HECTD4: variants seen among roughly 807,000 people sequenced by gnomAD.
HECTD4 encodes the protein probable E3 ubiquitin-protein ligase HECTD4.
A neutral mutation model predicts 471.5 loss-of-function variants in HECTD4; 114 were observed. The observed-to-expected ratio is 0.24, with a 90% CI of 0.21 to 0.28. HECTD4 has a LOEUF of 0.28. Ranked by LOEUF, HECTD4 falls within the 10% of genes least tolerant of loss-of-function variation. HECTD4 has a pLI of 1.00. For missense variants in HECTD4, 3,866 were observed against 5,651.5 expected (o/e 0.68, Z 10.13); for synonymous variants, 2,012 against 2,256.0 (o/e 0.89, Z 3.07).
chr12:112,187,793 A>T (rs1262754038), intron 60 of HECTD4, among the ~76,000 whole-genome samples: 3 of 150,312 alleles, frequency 2.0e-5, no homozygotes, highest in Non-Finnish European at 3.0e-5. Flanking sequence ...CACCCGGCTA[A>T]TTTTTTGTAT....
chr12:112,315,957 G>A (rs2035470560), intron 2 of HECTD4, among the ~76,000 whole-genome samples: 1 of 149,560 alleles, frequency 6.7e-6, no homozygotes, highest in Admixed American at 6.7e-5. Flanking sequence ...GACTGGTCTC[G>A]AACTCCTGGC....
In HECTD4 at chr12:112,239,233, G is replaced by A. The variant is rs752738736; in HGVS notation, c.5109C>T (p.Ser1703=). The A allele has an allele frequency of 8.1e-6, 13 of 1,608,654 alleles. No individual in the cohort carries two copies. Among genetic ancestry groups the A allele is most frequent in the African/African-American group, 2.7e-5 (2 of 74,630 alleles). Residue 1703 remains serine, a synonymous_variant, in exon 34 of 76, where the codon AGC becomes AGT. Coordinates refer to ENST00000682272, the MANE Select transcript of HECTD4 (RefSeq NM_001388303.1). The surrounding 1 kb of genome is among the most constrained non-coding windows in gnomAD (Gnocchi z 4.9). ...GLLCTIPYTR[S]EEKCLVRSGL... ...CACTGCGTACCAGGCACTTCTCTTC[G>A]CTCCTGACAAAGGGTCATGGATTAC...
chr12:112,282,761 G>C (rs1295822764), intron 8 of HECTD4, among the ~76,000 whole-genome samples: 2 of 152,148 alleles, frequency 1.3e-5, no homozygotes, highest in African/African-American at 4.8e-5. Context: ...TCTGTTATTT[G>C]CTTGGTCAAG....
At chr12:112,365,887 C>T (rs764342353) in intron 1 of HECTD4, among the ~76,000 whole-genome samples, 6 of 151,140 alleles carry the variant, frequency 4.0e-5, no homozygotes, top group Non-Finnish European at 7.4e-5. Context: ...GTGATCCTCC[C>T]ACCTCAGCCT....
chr12:112,362,652 C>CATA (rs2036472581), intron 1 of HECTD4, among the ~76,000 whole-genome samples: 4 of 151,842 alleles, frequency 2.6e-5, no homozygotes, highest in Admixed American at 2.6e-4. Context: ...AGGTGGGGAG[C>CATA]GTTATGTTAG....
chr12:112,176,697 G>C lies in HECTD4; in HGVS notation c.11369C>G (p.Thr3790Ser). The C allele has an allele frequency of 6.2e-7, 1 of 1,611,834 alleles. No individual in the cohort carries two copies. The highest frequency in any genetic ancestry group is 8.5e-7 in the Non-Finnish European group (1 of 1,177,936). ...AGTTGGCTTCTTCTCACTTAAGGCA[G>C]TCCTGCTGTAGACCAAAGCACTGGA... ...DKAVLNSVSR[T>S]ALSEKKPTVK... The change falls in exon 65 of 76, where the codon ACT becomes AGT. Residue 3790 changes from threonine (T) to serine (S), a missense_variant. Transcript: ENST00000682272.
At chr12:112,171,807 G>A (rs1309240191) in intron 67 of HECTD4, among the ~76,000 whole-genome samples, 1 of 152,236 alleles carries the variant, frequency 6.6e-6, no homozygotes, top group Non-Finnish European at 1.5e-5. Flanking sequence ...TGAGGCAAGC[G>A]GCTGAGCACA....
intron 59 of HECTD4, 47 bp downstream of exon 59, chr12:112,192,513 A>G: frequency 7.4e-7 from 1 of 1,344,818 alleles, no homozygotes; most frequent in Admixed American, 2.8e-5. Context: ...AGGCAAGAGG[A>G]GAATGACTCC....
chr12:112,185,273 G>T lies in HECTD4; in HGVS notation c.9693C>A (p.Val3231=). 6.4e-7 allele frequency: 1 copy of T among 1,551,574 alleles called. No homozygotes were observed. The highest frequency in any genetic ancestry group is 1.2e-5 in the South Asian group (1 of 84,284). ...KLYDEETQNW[V]SGGACGGSGG... ...CGGAGCCCCCGCAGGCGCCGCCTGA[G>T]ACCCAGTTCTGCGTCTCCTCGTCGT... The change falls in exon 61 of 76, where the codon GTC becomes GTA. Residue 3231 remains valine (V), a synonymous_variant. Coordinates refer to ENST00000682272, the MANE Select transcript of HECTD4 (RefSeq NM_001388303.1).
chr12:112,316,581 A>G (rs570384439), intron 2 of HECTD4, among the ~76,000 whole-genome samples: 108 of 152,288 alleles, frequency 7.1e-4, no homozygotes, highest in Non-Finnish European at 1.4e-3. Context: ...AGTCCATTCA[A>G]CCGTAAGCTC....
chr12:112,163,611 G>A lies in HECTD4; in HGVS notation c.12828C>T (p.Thr4276=), dbSNP rs1332219084. The change falls in exon 74 of 76, where the codon ACC becomes ACT. Residue 4276 remains threonine, a synonymous_variant. Transcript: ENST00000682272. The surrounding 1 kb of genome is among the most constrained non-coding windows in gnomAD (Gnocchi z 8.2). The part of the protein sequence containing the change: ...LGSIIPLQLL[T]MLSPLEMELR... ...GCTCCATCTCCAGTGGGCTGAGCAT[G>A]GTCAGCAGCTGCAGGGGGATGATGG... 31 of 1,538,056 alleles carry A rather than the reference G, an allele frequency of 2.0e-5. No individual in the cohort carries two copies. The East Asian group carries it at 6.9e-4, about 34-fold the overall frequency.
chr12:112,238,649 T>C (rs2033570616), intron 34 of HECTD4, among the ~76,000 whole-genome samples: 6 of 152,108 alleles, frequency 3.9e-5, no homozygotes, highest in Middle Eastern at 6.8e-3. Context: ...TCTCTTATCA[T>C]TTGAGCCAGG....
chr12:112,244,716 T>C (rs1373810311), intron 29 of HECTD4, among the ~76,000 whole-genome samples: 1 of 152,188 alleles, frequency 6.6e-6, no homozygotes, highest in African/African-American at 2.4e-5. Context: ...TTTTCAGAGA[T>C]GGCCTTTTTC....
intron 7 of HECTD4, among the ~76,000 whole-genome samples, chr12:112,294,300 C>T (rs1347085394): frequency 6.6e-6 from 1 of 152,112 alleles, no homozygotes; most frequent in Admixed American, 6.5e-5. Flanking sequence ...CAAGTATCTA[C>T]ATTATTTAGA....
Position 112,166,662 on chromosome 12 carries a change from C to G in HECTD4, c.12534+655G>C, listed in dbSNP as rs1469671614. The stretch of plus-strand genomic sequence containing the variant: ...CCCTTTGGTGAGCCTCACTTTCCTC[C>G]TGGCCTTGTGATGATGGAATAAAGC... On this transcript the variant is annotated intron_variant, in intron 72 of 75. Transcript: ENST00000682272. The surrounding 1 kb of genome is among the most constrained non-coding windows in gnomAD (Gnocchi z 4.6). 1 of 152,480 alleles carries G rather than the reference C, an allele frequency of 6.6e-6. No homozygotes were observed. Among genetic ancestry groups the G allele is most frequent in the Non-Finnish European group, 1.5e-5 (1 of 68,258 alleles). 9.4% of individuals were successfully genotyped at this position (152,480 alleles called of 1,614,324 possible). A position where few individuals can be genotyped will look rare whatever the true frequency, so the allele number is the denominator to read the frequency against.
At chr12:112,207,810 T>C in intron 52 of HECTD4, 64 bp downstream of exon 52, 1 of 1,574,186 alleles carries the variant, frequency 6.4e-7, no homozygotes, top group Non-Finnish European at 8.7e-7. Flanking sequence ...ACATTCTGAT[T>C]TTCATCCAGC....
Position 112,382,294 on chromosome 12 carries a change from TACCCCCGACCCCGGCCCGGGA to T in HECTD4, c.-187_-167del. 1 of 488,586 alleles carries T rather than the reference TACCCCCGACCCCGGCCCGGGA, an allele frequency of 2.0e-6. No individual in the cohort carries two copies. Among genetic ancestry groups the T allele is most frequent in the Non-Finnish European group, 3.0e-6 (1 of 331,680 alleles). 30.3% of individuals were successfully genotyped at this position (488,586 alleles called of 1,614,324 possible). A position where few individuals can be genotyped will look rare whatever the true frequency, so the allele number is the denominator to read the frequency against. ...CCGCCCTAGGCGGTCCGAGTCGCCA[TACCCCCGACCCCGGCCCGGGA>T]GACCCCGGCCCTGCCGCCGCCGCCG... On this transcript the variant is annotated 5_prime_UTR_variant, in exon 1 of 76. Coordinates refer to ENST00000682272, the MANE Select transcript of HECTD4 (RefSeq NM_001388303.1).
intron 59 of HECTD4, among the ~76,000 whole-genome samples, chr12:112,192,269 G>C (rs879863757): frequency 6.6e-6 from 1 of 152,206 alleles, no homozygotes; most frequent in Non-Finnish European, 1.5e-5. Flanking sequence ...TGATTGCTCT[G>C]GTTGTATCAT....
chr12:112,266,011 A>G, intron 14 of HECTD4, 28 bp from the exon 15 acceptor site: 1 of 1,500,720 alleles, frequency 6.7e-7, no homozygotes, highest in South Asian at 1.1e-5. Flanking sequence ...TCCATCAACT[A>G]CCCTGGTAAT....
Sources: gnomAD v4.1 joint callset for allele counts (sites outside exome capture counted in the v4.1 genomes callset) on GRCh38, gnomAD v4.1.1 for gene constraint, Gnocchi (gnomAD v3.1) non-coding constraint, MANE v1.5 for transcripts, NCBI Gene and HGNC (gene_info 2026-07-23, HGNC 2026-07-21) for gene names.